The following COL24A1 variants were observed in gnomAD, a reference collection of about 807,000 sequenced individuals.
COL24A1 encodes collagen type XXIV alpha 1 chain.
COL24A1 carries 224 observed loss-of-function variants against 253.9 expected under a neutral mutation model. That is an observed-to-expected ratio of 0.88 (90% CI 0.79 to 0.99). COL24A1 has a LOEUF of 0.99. Ranked by LOEUF, COL24A1 falls within the 50% of genes least tolerant of loss-of-function variation. The pLI, the probability that COL24A1 is intolerant of heterozygous loss-of-function variation, is 0.00. For missense variants in COL24A1, 2,131 were observed against 2,068.5 expected (o/e 1.03, Z -0.59); for synonymous variants, 685 against 673.7 (o/e 1.02, Z -0.26).
At position 86,040,045 on chromosome 1, in the gene COL24A1, C is replaced by T. The variant is rs1030722679; in HGVS notation, c.1951-6122G>A. 5.3e-5 allele frequency among the ~76,000 whole-genome samples: 8 copies of T among 152,270 alleles called. 1 individual carries two copies. The highest frequency in any genetic ancestry group is 1.3e-4 in the Admixed American group (2 of 15,284). On this transcript the variant is annotated intron_variant, in intron 12 of 59. Coordinates refer to ENST00000370571, the MANE Select transcript of COL24A1 (RefSeq NM_152890.7). The stretch of plus-strand genomic sequence containing the variant: ...ATTTGGCATCAAGGCAGGCTTAATG[C>T]TAACCTGGGCCTCAGTTCCCAGATT...
At chr1:85,970,951 A>G (rs1391948226) in intron 21 of COL24A1, among the ~76,000 whole-genome samples, 6 of 152,168 alleles carry the variant, frequency 3.9e-5, no homozygotes, top group South Asian at 2.1e-4. Flanking sequence ...AGTGGCTTAT[A>G]CCTGTAATCC....
intron 7 of COL24A1, among the ~76,000 whole-genome samples, chr1:86,073,846 C>T (rs978845280): frequency 2.7e-4 from 41 of 152,128 alleles, no homozygotes; most frequent in Non-Finnish European, 8.8e-5. Flanking sequence ...ATTTTCAACC[C>T]AGAATTTCAT....
rs1218468015 is a variant in COL24A1 at position 86,063,493 on chromosome 1, A to G, written c.1752+222T>C. Among the ~76,000 whole-genome samples, 3 of 152,102 alleles carry G rather than the reference A, an allele frequency of 2.0e-5. No individual in the cohort carries two copies. In the East Asian group the frequency reaches 5.8e-4, roughly 29 times the overall value. On this transcript the variant is annotated intron_variant, in intron 8 of 59. Coordinates refer to ENST00000370571, the MANE Select transcript of COL24A1 (RefSeq NM_152890.7). ...TTTAAGAGCTACTAGTCTGAAACATATGGGGCAAAAGTAAAAAATGATTAA... is the reference window on the plus strand; with the variant it reads ...TTTAAGAGCTACTAGTCTGAAACATGTGGGGCAAAAGTAAAAAATGATTAA...
intron 43 of COL24A1, among the ~76,000 whole-genome samples, chr1:85,824,108 G>A (rs1673955391): frequency 6.6e-6 from 1 of 152,128 alleles, no homozygotes; most frequent in Non-Finnish European, 1.5e-5. Context: ...AGATTATCCT[G>A]GATTATCCAT....
At chr1:86,146,877 A>T (rs915172993) in intron 1 of COL24A1, among the ~76,000 whole-genome samples, 2 of 152,168 alleles carry the variant, frequency 1.3e-5, no homozygotes, top group African/African-American at 4.8e-5. Context: ...GTTTTGTGAC[A>T]TTGCTAGTAT....
Position 86,063,569 on chromosome 1 carries a change from C to T in COL24A1, c.1752+146G>A, listed in dbSNP as rs1701261512. On this transcript the variant is annotated intron_variant, in intron 8 of 59. Transcript: ENST00000370571. ...TTAAATAAAAAGATCTACAGCTAAT[C>T]AATTAAAAGGTTGTCCTGCACTAAA... 9.1e-6 allele frequency: 4 copies of T among 441,168 alleles called. No homozygotes were observed. In the East Asian group the frequency reaches 1.3e-4, roughly 15 times the overall value. 27.3% of individuals were successfully genotyped at this position (441,168 alleles called of 1,614,324 possible). A position where few individuals can be genotyped will look rare whatever the true frequency, so the allele number is the denominator to read the frequency against.
At chr1:85,737,527 T>C (rs1664178617) in intron 57 of COL24A1, 22 bp from the exon 58 acceptor site, 18 of 1,460,036 alleles carry the variant, frequency 1.2e-5, no homozygotes, top group Non-Finnish European at 1.5e-5. Flanking sequence ...TAGTAAAACA[T>C]AAAGTTAAAG....
intron 43 of COL24A1, among the ~76,000 whole-genome samples, chr1:85,833,579 C>G (rs1430726516): frequency 6.6e-6 from 1 of 152,150 alleles, no homozygotes; most frequent in Non-Finnish European, 1.5e-5. Flanking sequence ...GGATCTAGAA[C>G]TACAAATACC....
intron 24 of COL24A1, among the ~76,000 whole-genome samples, chr1:85,921,996 A>G (rs1237743297): frequency 6.6e-6 from 1 of 152,234 alleles, no homozygotes; most frequent in Admixed American, 6.5e-5. Context: ...GCTGAAAACC[A>G]TGGCATGAGA....
chr1:85,869,591 C>A (rs1680194148), intron 35 of COL24A1, among the ~76,000 whole-genome samples: 1 of 152,122 alleles, frequency 6.6e-6, no homozygotes, highest in South Asian at 2.1e-4. Context: ...CATATTCAGC[C>A]AAACTAAGCT....
chr1:85,844,113 AAAAG>A (rs561829566), intron 39 of COL24A1, among the ~76,000 whole-genome samples: 227 of 152,148 alleles, frequency 1.5e-3, no homozygotes, highest in African/African-American at 5.2e-3. Flanking sequence ...CCAAAAAAGG[AAAAG>A]AAAGAAAGAA....
At chr1:85,973,744 C>G (rs1479055587) in intron 20 of COL24A1, among the ~76,000 whole-genome samples, 1 of 152,122 alleles carries the variant, frequency 6.6e-6, no homozygotes, top group Admixed American at 6.5e-5. Context: ...TATCCAGAAC[C>G]AGAAATAATC....
intron 19 of COL24A1, among the ~76,000 whole-genome samples, chr1:86,016,427 C>A (rs1171475541): frequency 6.6e-6 from 1 of 152,220 alleles, no homozygotes; most frequent in Admixed American, 6.5e-5. Flanking sequence ...TCTGCTGAAT[C>A]TATGACTCTA....
intron 59 of COL24A1, among the ~76,000 whole-genome samples, chr1:85,734,340 A>C (rs80354890): frequency 6.6e-6 from 1 of 152,194 alleles, no homozygotes; most frequent in South Asian, 2.1e-4. Context: ...ACTTGCCTCT[A>C]TAACTTGCCT....
chr1:85,825,720 T>C (rs995428708), intron 43 of COL24A1, among the ~76,000 whole-genome samples: 2 of 145,536 alleles, frequency 1.4e-5, no homozygotes, highest in Non-Finnish European at 3.0e-5. Flanking sequence ...CATAAATGTC[T>C]TCTTTTGAGA....
chr1:85,926,446 A>G (rs911943627), intron 24 of COL24A1, among the ~76,000 whole-genome samples: 2 of 152,252 alleles, frequency 1.3e-5, no homozygotes, highest in African/African-American at 4.8e-5. Flanking sequence ...AGACTGGATT[A>G]AGAATATGTG....
At chr1:85,799,511 T>C (rs1418245236) in intron 47 of COL24A1, among the ~76,000 whole-genome samples, 1 of 152,008 alleles carries the variant, frequency 6.6e-6, no homozygotes, top group African/African-American at 2.4e-5. Context: ...ATTACCACAG[T>C]AGGTTTGAGA....
At chr1:86,073,180 G>A (rs1701992636) in intron 7 of COL24A1, among the ~76,000 whole-genome samples, 1 of 152,144 alleles carries the variant, frequency 6.6e-6, no homozygotes, top group Admixed American at 6.5e-5. Context: ...ACTCCTCCAA[G>A]CTAAAGGAGC....
At chr1:85,908,069 A>T (rs1430792771) in intron 27 of COL24A1, among the ~76,000 whole-genome samples, 1 of 151,784 alleles carries the variant, frequency 6.6e-6, no homozygotes, top group Non-Finnish European at 1.5e-5. Context: ...GGGATCCTAA[A>T]GGCCGATCTT....
Sources: allele counts gnomAD v4.1 joint callset (sites outside exome capture counted in the v4.1 genomes callset), GRCh38; gene constraint gnomAD v4.1.1; transcripts MANE v1.5; gene names NCBI Gene and HGNC (gene_info 2026-07-23, HGNC 2026-07-21).